Variants in CFAP54 observed in about 807,000 individuals in gnomAD.
CFAP54 encodes cilia and flagella associated protein 54, also known as cilia- and flagella-associated protein 54.
Under a neutral mutation model 370.4 loss-of-function variants are expected in CFAP54, and 290 were observed. That is an observed-to-expected ratio of 0.78 (90% CI 0.71 to 0.86). The LOEUF (loss-of-function observed/expected upper bound fraction) is 0.86. Ranked by LOEUF, CFAP54 falls within the 40% of genes least tolerant of loss-of-function variation. The pLI is 0.00. For synonymous variants in CFAP54, 1,206 were observed against 1,236.5 expected (o/e 0.98, Z 0.52); for missense variants, 3,399 against 3,528.7 (o/e 0.96, Z 0.93).
intron 2 of CFAP54, among the ~76,000 whole-genome samples, chr12:96,501,596 C>G (rs1240787473): frequency 2.0e-5 from 3 of 152,144 alleles, no homozygotes; most frequent in African/African-American, 7.2e-5. Context: ...GTGAGTTTCC[C>G]CCTTAAACTC....
intron 25 of CFAP54, among the ~76,000 whole-genome samples, chr12:96,598,179 A>G (rs1956199029): frequency 6.6e-6 from 1 of 152,014 alleles, no homozygotes; most frequent in South Asian, 2.1e-4. Flanking sequence ...AAGTACCAAT[A>G]TTAGTTGATT....
intron 38 of CFAP54, among the ~76,000 whole-genome samples, chr12:96,661,563 G>A (rs1370187086): frequency 1.3e-5 from 2 of 152,220 alleles, no homozygotes; most frequent in Non-Finnish European, 2.9e-5. Context: ...GATCCAGCCA[G>A]TAGAGGACAG....
At position 96,757,479 on chromosome 12, in the gene CFAP54, T is replaced by G. The variant is rs1218446898; in HGVS notation, c.7947-16T>G. On this transcript the variant is annotated splice_polypyrimidine_tract_variant and intron_variant, in intron 57 of 67. Coordinates refer to ENST00000524981, the MANE Select transcript of CFAP54 (RefSeq NM_001306084.2). Reference sequence around the variant, plus strand: ...TGGTGAAGCTATTTAATAAGTACAGTGCTATATCATTTTAGATTGATAAGA... The same window carrying G: ...TGGTGAAGCTATTTAATAAGTACAGGGCTATATCATTTTAGATTGATAAGA... 1 of 1,387,414 alleles carries G rather than the reference T, an allele frequency of 7.2e-7. No individual in the cohort carries two copies. The highest frequency in any genetic ancestry group is 1.7e-5 in the Admixed American group (1 of 57,406). 85.9% of individuals were successfully genotyped at this position (1,387,414 alleles called of 1,614,324 possible). A position where few individuals can be genotyped will look rare whatever the true frequency, so the allele number is the denominator to read the frequency against.
Position 96,786,849 on chromosome 12 carries a change from T to C in CFAP54, c.8630T>C (p.Leu2877Pro). ...DEFPKELLCQ[L>P]ENPPLSEKDL... ...TTTCCAAAAGAACTTCTTTGTCAAC[T>C]GGAAAATCCCCCTCTTTCAGAAAAA... Residue 2877 changes from leucine (L) to proline (P), a missense_variant, in exon 62 of 68, where the codon CTG becomes CCG. This residue lies in a region of CFAP54 where 2,796 missense variants were observed against 2,869.7 expected (regional missense o/e 0.97). Coordinates refer to ENST00000524981, the MANE Select transcript of CFAP54 (RefSeq NM_001306084.2). 1 of 1,535,624 alleles carries C rather than the reference T, an allele frequency of 6.5e-7. No individual in the cohort carries two copies.
chr12:96,558,908 A>T (rs186433944), intron 17 of CFAP54, among the ~76,000 whole-genome samples: 2 of 152,192 alleles, frequency 1.3e-5, no homozygotes, highest in Non-Finnish European at 2.9e-5. Flanking sequence ...GCTTCTGCCC[A>T]GCAAAGGATA....
In CFAP54 at chr12:96,534,042, G is replaced by C. The variant is rs755996183; in HGVS notation, c.1540-20G>C. 4.0e-6 allele frequency: 6 copies of C among 1,506,474 alleles called. No individual in the cohort carries two copies. The African/African-American group carries it at 7.0e-5, about 18-fold the overall frequency. 93.3% of individuals were successfully genotyped at this position (1,506,474 alleles called of 1,614,324 possible). ...ATGACATCCAATTACTAATTAACGTGTGGGATATACTTCCCCAAGAGGCAG... is the reference window on the plus strand; with the variant it reads ...ATGACATCCAATTACTAATTAACGTCTGGGATATACTTCCCCAAGAGGCAG... On this transcript the variant is annotated intron_variant, in intron 10 of 67. Transcript: ENST00000524981.
At chr12:96,816,385 A>G (rs1317235456) in intron 64 of CFAP54, among the ~76,000 whole-genome samples, 2 of 152,294 alleles carry the variant, frequency 1.3e-5, no homozygotes, top group South Asian at 2.1e-4. Context: ...GGTGTATAGG[A>G]TGACCCATTT....
chr12:96,640,107 G>A (rs1452653516), intron 32 of CFAP54, among the ~76,000 whole-genome samples: 1 of 152,044 alleles, frequency 6.6e-6, no homozygotes, highest in Non-Finnish European at 1.5e-5. Flanking sequence ...GGAAATAAAG[G>A]GTATTCAATT....
At chr12:96,521,289 G>C (rs1421353915) in intron 6 of CFAP54, among the ~76,000 whole-genome samples, 2 of 152,122 alleles carry the variant, frequency 1.3e-5, no homozygotes, top group East Asian at 3.8e-4. Flanking sequence ...GTTATCTCTA[G>C]AGGATTATAA....
chr12:96,826,880 A>G (rs1301384887), intron 65 of CFAP54, among the ~76,000 whole-genome samples: 5 of 121,366 alleles, frequency 4.1e-5, no homozygotes, highest in African/African-American at 1.6e-4. Flanking sequence ...ATGATATATT[A>G]TATAATATTA....
intron 39 of CFAP54, among the ~76,000 whole-genome samples, chr12:96,674,009 T>C (rs1047820213): frequency 6.6e-6 from 1 of 152,224 alleles, no homozygotes; most frequent in Non-Finnish European, 1.5e-5. Context: ...TTAAGCTCCA[T>C]AGGGGAGATA....
chr12:96,715,582 G>T (rs1056156216), intron 48 of CFAP54, among the ~76,000 whole-genome samples: 2 of 151,984 alleles, frequency 1.3e-5, no homozygotes, highest in African/African-American at 4.8e-5. Flanking sequence ...GAACAATCTG[G>T]AAAAATATTA....
chr12:96,594,806 T>G lies in CFAP54; in HGVS notation c.3516+360T>G, dbSNP rs151298499. Among the ~76,000 whole-genome samples, 33 of 152,196 alleles carry G rather than the reference T, an allele frequency of 2.2e-4. No homozygotes were observed. In the East Asian group the frequency reaches 6.2e-3, roughly 28 times the overall value. On this transcript the variant is annotated intron_variant, in intron 25 of 67. Coordinates refer to ENST00000524981, the MANE Select transcript of CFAP54 (RefSeq NM_001306084.2). ...ATCCATCATCTGGAGAAAAACATGG[T>G]GGGAGACCCAAGACAAAATACCTGG...
intron 65 of CFAP54, among the ~76,000 whole-genome samples, chr12:96,820,062 C>G (rs1274467873): frequency 6.6e-6 from 1 of 152,186 alleles, no homozygotes; most frequent in African/African-American, 2.4e-5. Context: ...CGGGGATGAG[C>G]AAGACACAGA....
rs1046447541 is a variant in CFAP54 at position 96,865,088 on chromosome 12, G to A, written c.*14+4136G>A. ...ATTTTCTCTCATTTGAAATGTTATGGTATATTCTACAAAATGAGCTCCCAC... is the reference window on the plus strand; with the variant it reads ...ATTTTCTCTCATTTGAAATGTTATGATATATTCTACAAAATGAGCTCCCAC... On this transcript the variant is annotated intron_variant, in intron 67 of 67. Coordinates refer to ENST00000524981, the MANE Select transcript of CFAP54 (RefSeq NM_001306084.2). Among the ~76,000 whole-genome samples, 6 of 152,066 alleles carry A rather than the reference G, an allele frequency of 3.9e-5. No individual in the cohort carries two copies. In the East Asian group the frequency reaches 1.2e-3, roughly 29 times the overall value.
At chr12:96,811,462 A>G (rs1363415141) in intron 63 of CFAP54, among the ~76,000 whole-genome samples, 1 of 152,192 alleles carries the variant, frequency 6.6e-6, no homozygotes, top group African/African-American at 2.4e-5. Context: ...AGGGCCTTCA[A>G]AAGCTGAAAT....
intron 32 of CFAP54, among the ~76,000 whole-genome samples, chr12:96,631,323 C>T (rs1475890044): frequency 2.0e-5 from 3 of 151,720 alleles, no homozygotes; most frequent in African/African-American, 7.3e-5. Flanking sequence ...CCTGTGTACC[C>T]GTGTTGGTAT....
chr12:96,821,737 G>T (rs1309274917), intron 65 of CFAP54, among the ~76,000 whole-genome samples: 1 of 145,382 alleles, frequency 6.9e-6, no homozygotes, highest in Non-Finnish European at 1.5e-5. Context: ...ATTCTGGGTT[G>T]TATCAGATAA....
At position 96,572,920 on chromosome 12, in the gene CFAP54, C is replaced by T. The variant is rs1289360262; in HGVS notation, c.2620-3665C>T. On this transcript the variant is annotated intron_variant, in intron 19 of 67. Coordinates refer to ENST00000524981, the MANE Select transcript of CFAP54 (RefSeq NM_001306084.2). The stretch of plus-strand genomic sequence containing the variant: ...TACCTCAGTTGGATTCATTGATGTG[C>T]AGAAAGAAGATGCAAGAATTAAGTC... 7.1e-6 allele frequency: 7 copies of T among 985,364 alleles called. No individual in the cohort carries two copies. In the East Asian group the frequency reaches 7.9e-4, roughly 112 times the overall value. The allele number at this position is 985,364 out of a possible 1,614,324, so 61.0% of individuals were successfully genotyped here. A position where few individuals can be genotyped will look rare whatever the true frequency, so the allele number is the denominator to read the frequency against.
Sources: gnomAD v4.1 joint callset for allele counts (sites outside exome capture counted in the v4.1 genomes callset) on GRCh38, gnomAD v4.1.1 for gene constraint, gnomAD v4.1.1 regional missense constraint, MANE v1.5 for transcripts, NCBI Gene and HGNC (gene_info 2026-07-23, HGNC 2026-07-21) for gene names.